NAALADL2: variants seen among roughly 807,000 people sequenced by gnomAD.
NAALADL2 encodes inactive N-acetylated-alpha-linked acidic dipeptidase-like protein 2.
A neutral mutation model predicts 87.2 loss-of-function variants in NAALADL2; 76 were observed. That is an observed-to-expected ratio of 0.87 (90% CI 0.72 to 1.05). The LOEUF (loss-of-function observed/expected upper bound fraction) is 1.05. Among genes scored for constraint, NAALADL2 ranks in the 50% least tolerant of loss-of-function variants. The pLI is 0.00. For missense variants in NAALADL2, 1,089 were observed against 945.8 expected, an observed-to-expected ratio of 1.15 and a Z score of -1.99; for synonymous variants, 354 against 331.0, an observed-to-expected ratio of 1.07 and a Z score of -0.75.
Position 174,845,085 on chromosome 3 carries a change from A to G in NAALADL2, c.-9+107339A>G, listed in dbSNP as rs113413567. Among the ~76,000 whole-genome samples, 917 of 152,258 alleles carry G rather than the reference A, an allele frequency of 6.0e-3. 10 individuals carry two copies. Among genetic ancestry groups the G allele is most frequent in the Middle Eastern group, 0.017 (5 of 294 alleles). On this transcript the variant is annotated intron_variant, in intron 3 of 3. Transcript: ENST00000434257. ...TGTTTACAGCAACTAGGTTAATGGT[A>G]TCACTGAGATCCAGAAGAGAGAAGA... is the stretch of plus-strand genomic sequence containing the variant.
intron 3 of NAALADL2, among the ~76,000 whole-genome samples, chr3:174,818,002 C>T (rs148918431): frequency 1.1e-3 from 172 of 152,200 alleles, no homozygotes; most frequent in Admixed American, 5.1e-3. Context: ...TTTTGTTCTT[C>T]AAAATGCAAC....
At chr3:175,007,150 T>TTAAA (rs1349127659) in intron 1 of NAALADL2, among the ~76,000 whole-genome samples, 1 of 70,344 alleles carries the variant, frequency 1.4e-5, no homozygotes. Context: ...TTTTATAGGA[T>TTAAA]AAAAAAAAAA....
chr3:174,990,144 T>A (rs1002031085), intron 1 of NAALADL2, among the ~76,000 whole-genome samples: 4 of 152,190 alleles, frequency 2.6e-5, no homozygotes, highest in African/African-American at 9.6e-5. Flanking sequence ...TTTCCGCAAA[T>A]GCCACACTAC....
intron 2 of NAALADL2, among the ~76,000 whole-genome samples, chr3:175,185,430 G>C: frequency 6.6e-6 from 1 of 151,936 alleles, no homozygotes; most frequent in Non-Finnish European, 1.5e-5. Context: ...TGAAGAAAAT[G>C]TATGAAGTAG....
chr3:175,129,432 T>C (rs1727463292), intron 2 of NAALADL2, among the ~76,000 whole-genome samples: 1 of 152,210 alleles, frequency 6.6e-6, no homozygotes, highest in Non-Finnish European at 1.5e-5. Flanking sequence ...ATTAATCTTT[T>C]AACTAAAAAC....
chr3:175,600,802 G>C (rs1722883513), intron 10 of NAALADL2, among the ~76,000 whole-genome samples: 1 of 152,054 alleles, frequency 6.6e-6, no homozygotes, highest in Non-Finnish European at 1.5e-5. Flanking sequence ...CTCCCAAAGT[G>C]CTGGGATTAC....
intron 2 of NAALADL2, among the ~76,000 whole-genome samples, chr3:174,556,211 AT>A (rs1712797391): frequency 6.6e-6 from 1 of 152,040 alleles, no homozygotes; most frequent in African/African-American, 2.4e-5. Flanking sequence ...TCATTATTCT[AT>A]TCCCTGTCGT....
chr3:175,576,210 A>G (rs1388056833), intron 10 of NAALADL2, 23 bp downstream of exon 10: 1 of 1,604,796 alleles, frequency 6.2e-7, no homozygotes. Flanking sequence ...AAAAAATGCA[A>G]AACACACACA....
At chr3:175,162,258 T>A (rs372426266) in intron 2 of NAALADL2, among the ~76,000 whole-genome samples, 6 of 152,158 alleles carry the variant, frequency 3.9e-5, no homozygotes, top group African/African-American at 7.2e-5. Flanking sequence ...CCTTTTCCCA[T>A]GAGAACCCAC....
At chr3:174,836,612 G>A (rs1334724653) in intron 3 of NAALADL2, among the ~76,000 whole-genome samples, 2 of 150,068 alleles carry the variant, frequency 1.3e-5, no homozygotes, top group African/African-American at 4.9e-5. Flanking sequence ...GGGAGACCGA[G>A]GCAGAAGAAT....
chr3:174,989,690 A>G lies in NAALADL2; in HGVS notation c.44-107100A>G, dbSNP rs147383440. Among the ~76,000 whole-genome samples, 68 of 152,312 alleles carry G rather than the reference A, an allele frequency of 4.5e-4. No individual in the cohort carries two copies. The East Asian group carries it at 9.3e-3, about 21-fold the overall frequency. On this transcript the variant is annotated intron_variant, in intron 1 of 13. Transcript: ENST00000454872. ...TGAGTTTAAAGGCTATAACTAAAAT[A>G]TAAGCCTGAGTCTATAAGCCCTGAA...
chr3:174,688,868 T>C (rs1392650982), intron 2 of NAALADL2, among the ~76,000 whole-genome samples: 2 of 152,118 alleles, frequency 1.3e-5, no homozygotes, highest in Admixed American at 6.6e-5. Context: ...AAATGGTTAC[T>C]AGAGATGGTA....
chr3:174,609,133 T>C (rs1719477530), intron 2 of NAALADL2, among the ~76,000 whole-genome samples: 2 of 152,186 alleles, frequency 1.3e-5, no homozygotes, highest in Non-Finnish European at 2.9e-5. Flanking sequence ...CTAAAAACTC[T>C]CAATAAATTA....
In NAALADL2 at chr3:175,809,841, G is replaced by C. The variant is rs1376277828; in HGVS notation, c.*6638G>C. On this transcript the variant is annotated 3_prime_UTR_variant, in exon 14 of 14. Transcript: ENST00000454872. Reference sequence around the variant, plus strand: ...GTAAGATTTTAGAAGTAAAATCTCAGTGGTATAACATTTAAAACACAGCCT... The same window carrying C: ...GTAAGATTTTAGAAGTAAAATCTCACTGGTATAACATTTAAAACACAGCCT... The C allele has an allele frequency of 6.6e-6, 1 of 152,050 alleles. No homozygotes were observed. The highest frequency in any genetic ancestry group is 2.4e-5 in the African/African-American group (1 of 41,440). 9.4% of individuals were successfully genotyped at this position (152,050 alleles called of 1,614,324 possible).
At chr3:174,696,519 A>T (rs1412484138) in intron 2 of NAALADL2, among the ~76,000 whole-genome samples, 1 of 150,596 alleles carries the variant, frequency 6.6e-6, no homozygotes, top group Non-Finnish European at 1.5e-5. Flanking sequence ...ATCATTTATT[A>T]ATTACCTTAC....
At chr3:175,367,258 T>G (rs1356976253) in intron 5 of NAALADL2, among the ~76,000 whole-genome samples, 1 of 151,938 alleles carries the variant, frequency 6.6e-6, no homozygotes, top group East Asian at 1.9e-4. Context: ...TTTTGGTTAC[T>G]GTAGCCTTGT....
At chr3:174,486,878 C>A (rs1399176927) in intron 1 of NAALADL2, among the ~76,000 whole-genome samples, 2 of 152,012 alleles carry the variant, frequency 1.3e-5, no homozygotes, top group Non-Finnish European at 2.9e-5. Context: ...ACTCCAAAAA[C>A]CACATACATA....
At chr3:174,940,452 A>G (rs1242076119) in intron 1 of NAALADL2, among the ~76,000 whole-genome samples, 3 of 151,968 alleles carry the variant, frequency 2.0e-5, no homozygotes. Context: ...GTTCATCCAG[A>G]ATATTGGCCT....
intron 3 of NAALADL2, among the ~76,000 whole-genome samples, chr3:174,839,803 C>T (rs528060056): frequency 1.3e-5 from 2 of 151,678 alleles, no homozygotes; most frequent in African/African-American, 4.9e-5. Context: ...GTGATACCAC[C>T]TTACTCCTGA....
Sources: gnomAD v4.1 joint callset for allele counts (sites outside exome capture counted in the v4.1 genomes callset) on GRCh38, gnomAD v4.1.1 for gene constraint, MANE v1.5 for transcripts, NCBI Gene and HGNC (gene_info 2026-07-23, HGNC 2026-07-21) for gene names.